HIPK2: variants seen among roughly 807,000 people sequenced by gnomAD.
The protein encoded by HIPK2 is homeodomain interacting protein kinase 2.
HIPK2 carries 27 observed loss-of-function variants against 113.7 expected under a neutral mutation model. The observed-to-expected ratio is 0.24, with a 90% CI of 0.17 to 0.33. The LOEUF is 0.33. Among genes scored for constraint, HIPK2 ranks in the 10% least tolerant of loss-of-function variants. The pLI is 1.00. For missense variants in HIPK2, 1,257 were observed against 1,588.0 expected, an observed-to-expected ratio of 0.79 and a Z score of 3.54; for synonymous variants, 631 against 642.2, an observed-to-expected ratio of 0.98 and a Z score of 0.26.
intron 1 of HIPK2, among the ~76,000 whole-genome samples, chr7:139,775,755 G>C (rs906751124): frequency 3.3e-5 from 5 of 152,100 alleles, no homozygotes; most frequent in African/African-American, 1.2e-4. Flanking sequence ...GCAGGAACGG[G>C]GAGAGCCAAG....
At chr7:139,657,321 C>T (rs921168464) in intron 2 of HIPK2, among the ~76,000 whole-genome samples, 2 of 152,238 alleles carry the variant, frequency 1.3e-5, no homozygotes, top group Admixed American at 6.5e-5. Context: ...TGTTAGACAG[C>T]ATTCATCTAC....
Position 139,613,263 on chromosome 7 carries a change from G to GA in HIPK2, c.2050_2051insT (p.Pro684LeufsTer79). On this transcript the variant is annotated frameshift_variant, in exon 9 of 15. Coordinates refer to ENST00000406875, the MANE Select transcript of HIPK2 (RefSeq NM_022740.5). LOFTEE classifies it high-confidence loss of function. The surrounding 1 kb of genome is among the most constrained non-coding windows in gnomAD (Gnocchi z 4.2). The stretch of plus-strand genomic sequence containing the variant: ...AGCTCCTGGGGCTTGAGTGACGATG[G>GA]GAACTGCATTTTCCATTCGCACCGA... 1 of 1,613,832 alleles carries GA rather than the reference G, an allele frequency of 6.2e-7. No homozygotes were observed. The highest frequency in any genetic ancestry group is 8.5e-7 in the Non-Finnish European group (1 of 1,179,846).
chr7:139,572,595 T>G lies in HIPK2; in HGVS notation c.*332A>C. 2 of 217,098 alleles carry G rather than the reference T, an allele frequency of 9.2e-6. No individual in the cohort carries two copies. Among genetic ancestry groups the G allele is most frequent in the Non-Finnish European group, 9.0e-6 (1 of 110,888 alleles). 13.4% of individuals were successfully genotyped at this position (217,098 alleles called of 1,614,324 possible). A position where few individuals can be genotyped will look rare whatever the true frequency, so the allele number is the denominator to read the frequency against. On this transcript the variant is annotated 3_prime_UTR_variant, in exon 15 of 15. Coordinates refer to ENST00000406875, the MANE Select transcript of HIPK2 (RefSeq NM_022740.5). ...GCGTAGAATGGGTTCTTGAGCTGGG[T>G]TTTTTGTTATTGACTTTTTTTTTTT... is the stretch of plus-strand genomic sequence containing the variant.
chr7:139,678,121 C>T (rs962497364), intron 2 of HIPK2, among the ~76,000 whole-genome samples: 1 of 152,080 alleles, frequency 6.6e-6, no homozygotes, highest in African/African-American at 2.4e-5. Context: ...TGGATATTAG[C>T]CCTTTGTCAG....
intron 2 of HIPK2, among the ~76,000 whole-genome samples, chr7:139,686,670 G>A (rs1396306083): frequency 1.3e-5 from 2 of 152,096 alleles, no homozygotes; most frequent in East Asian, 3.9e-4. Flanking sequence ...TTTTCTAAGG[G>A]CTCCCCAGCC....
chr7:139,724,215 G>C (rs1795502346), intron 1 of HIPK2, among the ~76,000 whole-genome samples: 1 of 152,022 alleles, frequency 6.6e-6, no homozygotes, highest in African/African-American at 2.4e-5. Context: ...TGAGAACCCT[G>C]GATGACATGG....
At chr7:139,733,637 TA>T (rs970814020) in intron 1 of HIPK2, among the ~76,000 whole-genome samples, 2 of 152,220 alleles carry the variant, frequency 1.3e-5, no homozygotes, top group African/African-American at 4.8e-5. Context: ...TAGAAAAATT[TA>T]AAGGATAAAG....
intron 10 of HIPK2, 27 bp downstream of exon 10, chr7:139,604,054 C>T: frequency 6.2e-7 from 1 of 1,613,458 alleles, no homozygotes; most frequent in Admixed American, 1.7e-5. Context: ...GACACACCCA[C>T]TCACCCTAGA....
intron 2 of HIPK2, among the ~76,000 whole-genome samples, chr7:139,674,716 T>C (rs1243968899): frequency 2.0e-5 from 3 of 152,248 alleles, no homozygotes; most frequent in Non-Finnish European, 4.4e-5. Context: ...TTCCCAGAGC[T>C]AATTAATCAC....
At chr7:139,732,819 A>ATATATG (rs563587879) in intron 1 of HIPK2, among the ~76,000 whole-genome samples, 1 of 144,994 alleles carries the variant, frequency 6.9e-6, no homozygotes, top group African/African-American at 2.6e-5. Context: ...TTATATATAT[A>ATATATG]TGTGTGTGTG....
At chr7:139,581,571 A>G (rs1299698395) in intron 13 of HIPK2, among the ~76,000 whole-genome samples, 1 of 152,246 alleles carries the variant, frequency 6.6e-6, no homozygotes, top group African/African-American at 2.4e-5. Flanking sequence ...GGGAAACAGC[A>G]GTGCATATCC....
At position 139,604,191 on chromosome 7, in the gene HIPK2, C is replaced by T. The variant is rs34093649; in HGVS notation, c.2145G>A (p.Leu715=). 23,203 of 1,613,486 alleles carry T rather than the reference C, an allele frequency of 0.014. 193 individuals carry two copies. Among genetic ancestry groups the T allele is most frequent in the Middle Eastern group, 0.028 (168 of 6,058 alleles). Residue 715 remains leucine, a synonymous_variant, in exon 10 of 15, where the codon CTG becomes CTA. Transcript: ENST00000406875. ...QAWPSGTQQI[L]LPPAWQQLTG... ...TCAGTTGCTGCCATGCTGGGGGAAG[C>T]AGGATCTGCTGGGTCCCACTTGGCC...
intron 1 of HIPK2, among the ~76,000 whole-genome samples, chr7:139,760,853 A>G (rs1184823535): frequency 2.0e-5 from 3 of 152,224 alleles, no homozygotes; most frequent in African/African-American, 7.2e-5. Context: ...CCATTGTCCC[A>G]TACCACTGAA....
intron 2 of HIPK2, among the ~76,000 whole-genome samples, chr7:139,661,548 A>G (rs1055648173): frequency 5.3e-5 from 8 of 152,354 alleles, no homozygotes; most frequent in Non-Finnish European, 8.8e-5. Context: ...CATCAAAAGT[A>G]TAACAGCCCA....
rs577202094 is a variant in HIPK2 at position 139,686,378 on chromosome 7, G to A, written c.1103+29554C>T. 2.6e-5 allele frequency among the ~76,000 whole-genome samples: 4 copies of A among 152,350 alleles called. No individual in the cohort carries two copies. The South Asian group carries it at 6.2e-4, about 24-fold the overall frequency. On this transcript the variant is annotated intron_variant, in intron 2 of 14. Transcript: ENST00000406875. ...AAGATGCTGTGAATATTGTTGAAATGATAACAAAGGATTTAGAATATTTGA... is the reference window on the plus strand; with the variant it reads ...AAGATGCTGTGAATATTGTTGAAATAATAACAAAGGATTTAGAATATTTGA...
intron 1 of HIPK2, among the ~76,000 whole-genome samples, chr7:139,753,570 A>AT (rs1796314846): frequency 1.3e-5 from 2 of 152,202 alleles, no homozygotes; most frequent in Non-Finnish European, 2.9e-5. Flanking sequence ...CTCAGAGTGC[A>AT]TTTTTTTCCA....
intron 2 of HIPK2, among the ~76,000 whole-genome samples, chr7:139,701,232 C>T (rs1359749483): frequency 6.6e-5 from 10 of 152,208 alleles, no homozygotes; most frequent in African/African-American, 2.4e-4. Context: ...TCCCTATCTA[C>T]TTCCAACGTG....
chr7:139,607,935 T>G (rs1485090369), intron 9 of HIPK2, among the ~76,000 whole-genome samples: 1 of 152,088 alleles, frequency 6.6e-6, no homozygotes, highest in Non-Finnish European at 1.5e-5. Flanking sequence ...ATTAAACAGT[T>G]AAGTTAAAAA....
At chr7:139,707,464 T>C (rs1794936858) in intron 2 of HIPK2, among the ~76,000 whole-genome samples, 1 of 152,256 alleles carries the variant, frequency 6.6e-6, no homozygotes, top group African/African-American at 2.4e-5. Context: ...CAGGGCGGCA[T>C]CGAGGACTCA....
Sources: gnomAD v4.1 joint callset for allele counts (sites outside exome capture counted in the v4.1 genomes callset) on GRCh38, gnomAD v4.1.1 for gene constraint, Gnocchi (gnomAD v3.1) non-coding constraint, MANE v1.5 for transcripts, NCBI Gene and HGNC (gene_info 2026-07-23, HGNC 2026-07-21) for gene names.